GRIP1: variants seen among roughly 807,000 people sequenced by gnomAD.
The protein encoded by GRIP1 is glutamate receptor-interacting protein 1.
GRIP1 carries 45 observed loss-of-function variants against 129.9 expected under a neutral mutation model. The observed-to-expected ratio is 0.35, with a 90% CI of 0.27 to 0.44. The LOEUF is 0.44. Ranked by LOEUF, GRIP1 falls within the 20% of genes least tolerant of loss-of-function variation. The pLI is 1.00. For missense variants in GRIP1, 1,196 were observed against 1,396.8 expected (o/e 0.86, Z 2.29); for synonymous variants, 530 against 520.8 (o/e 1.02, Z -0.24).
chr12:66,492,579 G>A lies in GRIP1; in HGVS notation c.724+23040C>T, dbSNP rs1242115819. The stretch of plus-strand genomic sequence containing the variant: ...CACAGTCCAGGATCTTGAATTCAGT[G>A]AGTCCCCAATAAATGTGCATTTATT... On this transcript the variant is annotated intron_variant, in intron 7 of 24. Coordinates refer to ENST00000359742, the MANE Select transcript of GRIP1 (RefSeq NM_001366722.1). Among the ~76,000 whole-genome samples the A allele has an allele frequency of 3.3e-5, 5 of 152,104 alleles. No homozygotes were observed. The South Asian group carries it at 6.2e-4, about 19-fold the overall frequency.
At chr12:66,632,596 C>T (rs1319119499) in intron 1 of GRIP1, among the ~76,000 whole-genome samples, 1 of 152,198 alleles carries the variant, frequency 6.6e-6, no homozygotes, top group East Asian at 1.9e-4. Context: ...TTTGTATAGA[C>T]ACATTTGGTC....
At chr12:66,660,599 A>G (rs960371077) in intron 1 of GRIP1, among the ~76,000 whole-genome samples, 4 of 152,148 alleles carry the variant, frequency 2.6e-5, no homozygotes, top group African/African-American at 9.6e-5. Context: ...ATTGTACAAA[A>G]TTTTACAAAG....
intron 1 of GRIP1, among the ~76,000 whole-genome samples, chr12:66,853,455 C>T (rs994426062): frequency 7.3e-5 from 11 of 151,620 alleles, no homozygotes; most frequent in African/African-American, 2.7e-4. Flanking sequence ...CTTTTTTTCT[C>T]CTTACATAAT....
intron 1 of GRIP1, among the ~76,000 whole-genome samples, chr12:66,639,764 T>C (rs950533435): frequency 6.6e-6 from 1 of 152,202 alleles, no homozygotes; most frequent in Non-Finnish European, 1.5e-5. Flanking sequence ...ATATCCTCAT[T>C]GCCATTTTTC....
rs188871661 is a variant in GRIP1 at position 66,508,213 on chromosome 12, C to A, written c.724+7406G>T. On this transcript the variant is annotated intron_variant, in intron 7 of 24. Transcript: ENST00000359742. ...CTACAGCATAAACATTGATGTTCTGCTACATTCTACACATACCGCTTAATG... is the reference window on the plus strand; with the variant it reads ...CTACAGCATAAACATTGATGTTCTGATACATTCTACACATACCGCTTAATG... Among the ~76,000 whole-genome samples, 3 of 152,272 alleles carry A rather than the reference C, an allele frequency of 2.0e-5. No individual in the cohort carries two copies. In the East Asian group the frequency reaches 5.8e-4, roughly 29 times the overall value.
intron 1 of GRIP1, among the ~76,000 whole-genome samples, chr12:66,715,471 T>TGAGAGAGAGAGA (rs71447469): frequency 7.1e-4 from 78 of 110,130 alleles, no homozygotes; most frequent in African/African-American, 1.4e-3. Context: ...TGTGTGTGTG[T>TGAGAGAGAGAGA]GAGAGAGAGA....
intron 1 of GRIP1, among the ~76,000 whole-genome samples, chr12:67,048,448 A>C (rs752338215): frequency 6.6e-6 from 1 of 152,166 alleles, no homozygotes; most frequent in African/African-American, 2.4e-5. Flanking sequence ...AAACGTATAC[A>C]TATACGCACA....
chr12:67,014,531 C>T (rs1488994273), intron 1 of GRIP1, among the ~76,000 whole-genome samples: 3 of 152,064 alleles, frequency 2.0e-5, no homozygotes, highest in Non-Finnish European at 4.4e-5. Context: ...TATTGATAGC[C>T]TGAGAGGCTA....
chr12:66,630,940 C>CT (rs1156237586), intron 1 of GRIP1, among the ~76,000 whole-genome samples: 172 of 146,506 alleles, frequency 1.2e-3, no homozygotes, highest in African/African-American at 2.8e-3. Flanking sequence ...AAAAATAAAA[C>CT]TTTTTTTTTT....
intron 1 of GRIP1, among the ~76,000 whole-genome samples, chr12:66,727,640 A>C (rs1053105138): frequency 4.6e-5 from 7 of 152,206 alleles, no homozygotes; most frequent in South Asian, 4.1e-4. Flanking sequence ...AAAAGGGAAA[A>C]ATGCAGAATT....
At chr12:66,835,737 G>T (rs1321805730) in intron 1 of GRIP1, among the ~76,000 whole-genome samples, 3 of 152,210 alleles carry the variant, frequency 2.0e-5, no homozygotes, top group Non-Finnish European at 4.4e-5. Flanking sequence ...GTGATTGTTG[G>T]GTGTTGGGGA....
At chr12:66,565,191 C>T (rs1350052566) in intron 2 of GRIP1, among the ~76,000 whole-genome samples, 1 of 152,132 alleles carries the variant, frequency 6.6e-6, no homozygotes, top group African/African-American at 2.4e-5. Flanking sequence ...GACATGAAGT[C>T]CTTGCCCATG....
intron 4 of GRIP1, among the ~76,000 whole-genome samples, chr12:66,532,804 C>T (rs1238666881): frequency 2.0e-5 from 3 of 152,154 alleles, no homozygotes; most frequent in Non-Finnish European, 4.4e-5. Context: ...CCACCATCAT[C>T]TGTCTATTTT....
At chr12:66,811,997 C>T (rs1025626091) in intron 1 of GRIP1, among the ~76,000 whole-genome samples, 1 of 152,144 alleles carries the variant, frequency 6.6e-6, no homozygotes, top group Non-Finnish European at 1.5e-5. Context: ...GGCCCCCAAT[C>T]CTAGCTATGA....
chr12:66,643,803 G>A lies in GRIP1; in HGVS notation c.55+35047C>T, dbSNP rs778622002. Among the ~76,000 whole-genome samples the A allele has an allele frequency of 3.3e-5, 5 of 152,046 alleles. No individual in the cohort carries two copies. In the East Asian group the frequency reaches 7.7e-4, roughly 24 times the overall value. On this transcript the variant is annotated intron_variant, in intron 1 of 24. Coordinates refer to ENST00000359742, the MANE Select transcript of GRIP1 (RefSeq NM_001366722.1). ...GGTCTTGAACTCCTGGGCTCAAGCA[G>A]TCCTCCTGCCTCATCCTTCCAAAGT...
intron 13 of GRIP1, among the ~76,000 whole-genome samples, chr12:66,433,457 G>A (rs986241506): frequency 6.6e-6 from 1 of 152,156 alleles, no homozygotes; most frequent in African/African-American, 2.4e-5. Flanking sequence ...GTGAAAGTGG[G>A]CTCAGATACT....
intron 1 of GRIP1, among the ~76,000 whole-genome samples, chr12:66,612,852 C>T (rs750152319): frequency 6.6e-6 from 1 of 151,902 alleles, no homozygotes; most frequent in Non-Finnish European, 1.5e-5. Flanking sequence ...AAACATTAAT[C>T]GATCAAACAA....
At chr12:66,731,647 C>T (rs2036440896) in intron 1 of GRIP1, among the ~76,000 whole-genome samples, 1 of 151,948 alleles carries the variant, frequency 6.6e-6, no homozygotes, top group Admixed American at 6.6e-5. Context: ...CTATGGTAGA[C>T]AAGAAAAGAA....
intron 1 of GRIP1, among the ~76,000 whole-genome samples, chr12:66,849,564 T>C (rs2039875534): frequency 6.6e-6 from 1 of 152,068 alleles, no homozygotes; most frequent in Non-Finnish European, 1.5e-5. Flanking sequence ...TGCAGTGAGC[T>C]GTGTTTGTGC....
Sources: allele counts gnomAD v4.1 joint callset (sites outside exome capture counted in the v4.1 genomes callset), GRCh38; gene constraint gnomAD v4.1.1; transcripts MANE v1.5; gene names NCBI Gene and HGNC (gene_info 2026-07-23, HGNC 2026-07-21).